The following BRPF3 variants were observed in gnomAD, a reference collection of about 807,000 sequenced individuals.
The protein encoded by BRPF3 is bromodomain and PHD finger-containing protein 3.
BRPF3 carries 18 observed loss-of-function variants against 102.0 expected under a neutral mutation model. That is an observed-to-expected ratio of 0.18 (90% CI 0.12 to 0.26). The LOEUF is 0.26. Among genes scored for constraint, BRPF3 ranks in the 10% least tolerant of loss-of-function variants. The pLI is 1.00. For missense variants in BRPF3, 1,147 were observed against 1,567.8 expected, an observed-to-expected ratio of 0.73 and a Z score of 4.53; for synonymous variants, 570 against 614.2, an observed-to-expected ratio of 0.93 and a Z score of 1.06.
At chr6:36,225,416 G>C in intron 11 of BRPF3, 52 bp downstream of exon 11, 1 of 1,490,424 alleles carries the variant, frequency 6.7e-7, no homozygotes, top group South Asian at 1.1e-5. Context: ...TGCCTTGGGG[G>C]CTAATCTGAT....
At chr6:36,214,477 T>C in intron 8 of BRPF3, 91 bp downstream of exon 8, 7 of 1,389,562 alleles carry the variant, frequency 5.0e-6, no homozygotes, top group Non-Finnish European at 6.7e-6. Flanking sequence ...GCCATCTCTC[T>C]AATGGCACCA....
chr6:36,224,415 A>C (rs1768661984), intron 10 of BRPF3, among the ~76,000 whole-genome samples: 1 of 152,226 alleles, frequency 6.6e-6, no homozygotes, highest in African/African-American at 2.4e-5. Flanking sequence ...CGTTGAGTGC[A>C]GAGCAAAGTA....
chr6:36,217,055 A>G lies in BRPF3; in HGVS notation c.2990-862A>G, dbSNP rs144315340. 2.9e-3 allele frequency among the ~76,000 whole-genome samples: 440 copies of G among 152,246 alleles called. 2 individuals are homozygous for G. Among genetic ancestry groups the G allele is most frequent in the African/African-American group, 0.01 (417 of 41,528 alleles). On this transcript the variant is annotated intron_variant, in intron 8 of 12. Transcript: ENST00000357641. ...CCTATCTCAAAAAATAGAAAAATAA[A>G]TTGGATAGATAGGAGAGTGGAAGCC...
chr6:36,229,179 A>G (rs777166573), intron 12 of BRPF3, 123 bp downstream of exon 12: 3 of 1,271,958 alleles, frequency 2.4e-6, no homozygotes, highest in Non-Finnish European at 3.2e-6. Flanking sequence ...TCCACTTGCC[A>G]GCAACAGGCC....
intron 9 of BRPF3, among the ~76,000 whole-genome samples, chr6:36,221,159 G>A (rs1329116856): frequency 6.6e-6 from 1 of 152,028 alleles, no homozygotes; most frequent in Non-Finnish European, 1.5e-5. Flanking sequence ...ATGATGCCCG[G>A]GTGGGCTTCA....
intron 7 of BRPF3, among the ~76,000 whole-genome samples, chr6:36,213,234 A>G (rs1768196308): frequency 6.6e-6 from 1 of 152,218 alleles, no homozygotes; most frequent in Non-Finnish European, 1.5e-5. Context: ...TGCAATCCTC[A>G]CTTCATTAGA....
At chr6:36,229,113 G>A (rs1341334222) in intron 12 of BRPF3, 57 bp downstream of exon 12, 34 of 1,584,292 alleles carry the variant, frequency 2.1e-5, no homozygotes, top group Non-Finnish European at 2.9e-5. Flanking sequence ...TGTGCCAGTG[G>A]TGCTGTGCTA....
In BRPF3 at chr6:36,201,719, A is replaced by G. The variant is rs778378713; in HGVS notation, c.1397A>G (p.Asp466Gly). The G allele has an allele frequency of 3.1e-6, 5 of 1,613,630 alleles. No homozygotes were observed. In the South Asian group the frequency reaches 3.3e-5, roughly 11 times the overall value. ...IKKEPEEAGQDTPSTLPMLAV... is the reference protein window; with the variant it reads ...IKKEPEEAGQGTPSTLPMLAV... ...AAGGAGCCAGAGGAAGCAGGCCAAG[A>G]CACACCCTCCACTCTCCCCATGCTT... The change falls in exon 2 of 13, where the codon GAC becomes GGC. Residue 466 changes from aspartate (D) to glycine (G), a missense_variant. By Grantham distance (94) the Asp-to-Gly change is moderately conservative. This residue lies in a region of BRPF3 where 157 missense variants were observed against 163.6 expected (regional missense o/e 0.96). Coordinates refer to ENST00000357641, the MANE Select transcript of BRPF3 (RefSeq NM_015695.3). The surrounding 1 kb of genome is among the most constrained non-coding windows in gnomAD (Gnocchi z 5.1).
rs1481718241 is a variant in BRPF3 at position 36,201,291 on chromosome 6, A to T, written c.969A>T (p.Leu323=). Residue 323 remains leucine, a synonymous_variant, in exon 2 of 13, where the codon CTA becomes CTT. Transcript: ENST00000357641. This position sits in a 1 kb window ranked among gnomAD's most constrained non-coding sequence, Gnocchi z 5.1. The part of the protein sequence containing the change: ...IDNIPPARWK[L]TCYICKQKGL... ...ATATCCCGCCTGCCCGCTGGAAACT[A>T]ACCTGCTATATCTGCAAGCAGAAAG... The T allele has an allele frequency of 6.2e-7, 1 of 1,614,162 alleles. No individual in the cohort carries two copies. The highest frequency in any genetic ancestry group is 2.2e-5 in the East Asian group (1 of 44,876).
intron 2 of BRPF3, among the ~76,000 whole-genome samples, chr6:36,202,674 G>A (rs201345545): frequency 1.8e-4 from 27 of 152,210 alleles, no homozygotes; most frequent in African/African-American, 6.0e-4. Context: ...AAGAAACTGC[G>A]GCCAAGGGAG....
At position 36,200,286 on chromosome 6, in the gene BRPF3, T is replaced by C; in HGVS notation, c.-26-11T>C. The stretch of plus-strand genomic sequence containing the variant: ...CATCCAACTCATAGTCTCCTGGCCT[T>C]CTCTCCTTAGGCCTGTCCCCTCAGT... On this transcript the variant is annotated splice_polypyrimidine_tract_variant and intron_variant, in intron 1 of 12. Transcript: ENST00000357641. The surrounding 1 kb of genome is among the most constrained non-coding windows in gnomAD (Gnocchi z 5.3). 6.3e-7 allele frequency: 1 copy of C among 1,582,044 alleles called. No homozygotes were observed. Among genetic ancestry groups the C allele is most frequent in the African/African-American group, 1.4e-5 (1 of 73,904 alleles).
chr6:36,222,912 AGT>A (rs1768602118), intron 10 of BRPF3, among the ~76,000 whole-genome samples: 1 of 152,202 alleles, frequency 6.6e-6, no homozygotes, highest in Non-Finnish European at 1.5e-5. Flanking sequence ...AATTGAAGGA[AGT>A]GTGTGTTTGT....
intron 8 of BRPF3, among the ~76,000 whole-genome samples, chr6:36,217,425 C>T (rs952987454): frequency 3.9e-5 from 6 of 152,190 alleles, no homozygotes; most frequent in Admixed American, 3.3e-4. Flanking sequence ...TCTCTCTTGA[C>T]ACCACCCCCA....
chr6:36,211,747 A>G (rs1768123560), intron 7 of BRPF3, among the ~76,000 whole-genome samples, 187 bp downstream of exon 7: 1 of 152,234 alleles, frequency 6.6e-6, no homozygotes, highest in South Asian at 2.1e-4. Context: ...AACAATCACT[A>G]GAGACTAAAA....
chr6:36,219,510 G>A lies in BRPF3; in HGVS notation c.3083+1500G>A, dbSNP rs79002620. Among the ~76,000 whole-genome samples, 62 of 152,258 alleles carry A rather than the reference G, an allele frequency of 4.1e-4. No individual in the cohort carries two copies. In the East Asian group the frequency reaches 0.011, roughly 27 times the overall value. On this transcript the variant is annotated intron_variant, in intron 9 of 12. Transcript: ENST00000357641. ...TTCTTGCTCTTGACTAAAAGTGAAAGGTGTGTTGTTGGCCCCTTCTTCTAT... is the reference window on the plus strand; with the variant it reads ...TTCTTGCTCTTGACTAAAAGTGAAAAGTGTGTTGTTGGCCCCTTCTTCTAT...
chr6:36,209,647 A>G (rs1768024717), intron 4 of BRPF3, 140 bp from the exon 5 acceptor site: 1 of 1,013,174 alleles, frequency 9.9e-7, no homozygotes, highest in Admixed American at 3.2e-5. Flanking sequence ...GTTGGGTGAT[A>G]GCTTCTCATA....
chr6:36,201,130 A>G lies in BRPF3; in HGVS notation c.808A>G (p.Ile270Val), dbSNP rs1767683108. Residue 270 changes from isoleucine to valine, a missense_variant, in exon 2 of 13, where the codon ATC (isoleucine) becomes GTC (valine). By Grantham distance (29) the Ile-to-Val change is conservative. Coordinates refer to ENST00000357641, the MANE Select transcript of BRPF3 (RefSeq NM_015695.3). The surrounding 1 kb of genome is among the most constrained non-coding windows in gnomAD (Gnocchi z 5.1). ...GTCTCCCTCCCGGCCTGTGGATTGC[A>G]TCCTTTGCCCCAATAAGGGTGGCGC... Reference protein sequence around the residue: ...LQSPSRPVDCILCPNKGGAFK... With the variant: ...LQSPSRPVDCVLCPNKGGAFK... 1 of 1,614,106 alleles carries G rather than the reference A, an allele frequency of 6.2e-7. No individual in the cohort carries two copies. Among genetic ancestry groups the G allele is most frequent in the East Asian group, 2.2e-5 (1 of 44,880 alleles).
chr6:36,200,857 G>A lies in BRPF3; in HGVS notation c.535G>A (p.Val179Met), dbSNP rs1561817143. 6.2e-7 allele frequency: 1 copy of A among 1,614,198 alleles called. No individual in the cohort carries two copies. Among genetic ancestry groups the A allele is most frequent in the Non-Finnish European group, 8.5e-7 (1 of 1,180,034 alleles). ...ACGGCGAGTAGATGGGCACAGTTTG[G>A]TGTCTGCAGATACCTTTGAGCTGCT... ...EKRRVDGHSL[V>M]SADTFELLVD... Residue 179 changes from valine (V) to methionine (M), a missense_variant, in exon 2 of 13, where the codon GTG becomes ATG. Coordinates refer to ENST00000357641, the MANE Select transcript of BRPF3 (RefSeq NM_015695.3). This position sits in a 1 kb window ranked among gnomAD's most constrained non-coding sequence, Gnocchi z 5.3.
At chr6:36,202,393 G>T (rs1767738574) in intron 2 of BRPF3, among the ~76,000 whole-genome samples, 1 of 149,366 alleles carries the variant, frequency 6.7e-6, no homozygotes, top group Admixed American at 6.7e-5. Context: ...GTTCAGCTGT[G>T]TAGCTAAGCT....
Sources: gnomAD v4.1 joint callset for allele counts (sites outside exome capture counted in the v4.1 genomes callset) on GRCh38, gnomAD v4.1.1 for gene constraint, gnomAD v4.1.1 regional missense constraint, Gnocchi (gnomAD v3.1) non-coding constraint, MANE v1.5 for transcripts, NCBI Gene and HGNC (gene_info 2026-07-23, HGNC 2026-07-21) for gene names.